ADAR: variants seen among roughly 807,000 people sequenced by gnomAD.
The protein encoded by ADAR is double-stranded RNA-specific adenosine deaminase.
ADAR carries 41 observed loss-of-function variants against 113.2 expected under a neutral mutation model. The observed-to-expected ratio is 0.36, with a 90% confidence interval of 0.28 to 0.47. The LOEUF is 0.47. Ranked by LOEUF, ADAR falls within the 20% of genes least tolerant of loss-of-function variation. ADAR has a pLI of 1.00. For missense variants in ADAR, 1,242 were observed against 1,540.9 expected (o/e 0.81, Z 3.25); for synonymous variants, 605 against 572.6 (o/e 1.06, Z -0.81).
intron 3 of ADAR, among the ~76,000 whole-genome samples, chr1:154,598,185 G>A (rs1697631120): frequency 6.6e-6 from 1 of 152,140 alleles, no homozygotes; most frequent in South Asian, 2.1e-4. Flanking sequence ...TTTCAAGTCC[G>A]AAATTCTGTA....
intron 1 of ADAR, among the ~76,000 whole-genome samples, chr1:154,614,918 C>A (rs1557902044): frequency 6.6e-6 from 1 of 152,152 alleles, no homozygotes; most frequent in Non-Finnish European, 1.5e-5. Flanking sequence ...AAAAGTGTTT[C>A]TTTTAGTGTT....
At chr1:154,586,390 A>G (rs904622197) in intron 11 of ADAR, 27 bp from the exon 12 acceptor site, 1 of 1,612,200 alleles carries the variant, frequency 6.2e-7, no homozygotes. Flanking sequence ...GGTCAGACCC[A>G]CAGGCGCCAA....
intron 6 of ADAR, among the ~76,000 whole-genome samples, chr1:154,595,800 T>TA (rs1332331182): frequency 2.0e-5 from 3 of 152,218 alleles, no homozygotes; most frequent in Non-Finnish European, 4.4e-5. Flanking sequence ...TAGGCCCTCA[T>TA]ATTCATTCTC....
Position 154,589,879 on chromosome 1 carries a change from T to C in ADAR, c.2546A>G (p.His849Arg). ...GTTAGTCAGAGTGTTGAAGCACCGG[T>C]GGCTCAGCATGGCTATCTGGTCATG... Reference protein sequence around the residue: ...TFHDQIAMLSHRCFNTLTNSF... With the variant: ...TFHDQIAMLSRRCFNTLTNSF... The change falls in exon 8 of 15, where the codon CAC (histidine) becomes CGC (arginine). Residue 849 changes from histidine (H) to arginine (R), a missense_variant. Coordinates refer to ENST00000368474, the MANE Select transcript of ADAR (RefSeq NM_001111.5). The C allele has an allele frequency of 6.2e-7, 1 of 1,614,074 alleles. No individual in the cohort carries two copies. Among genetic ancestry groups the C allele is most frequent in the Non-Finnish European group, 8.5e-7 (1 of 1,180,014 alleles).
At chr1:154,600,762 G>A (rs981543259) in intron 2 of ADAR, 6 of 494,580 alleles carry the variant, frequency 1.2e-5, no homozygotes, top group African/African-American at 3.9e-5. Flanking sequence ...ATGAGCCACC[G>A]CGTACGGCCA....
rs1440460913 is a variant in ADAR, at chr1:154,583,005, T to C, written c.*1801A>G. On this transcript the variant is annotated 3_prime_UTR_variant, in exon 15 of 15. Transcript: ENST00000368474. ...ACTTTGGTCAATTTTTGGTCAAAAG[T>C]ACAGAGAGCATAGAATAAAAGCAAA... 1.3e-5 allele frequency: 2 copies of C among 152,234 alleles called. No homozygotes were observed. The highest frequency in any genetic ancestry group is 1.3e-4 in the Admixed American group (2 of 15,286). 9.4% of individuals were successfully genotyped at this position (152,234 alleles called of 1,614,324 possible). A position where few individuals can be genotyped will look rare whatever the true frequency, so the allele number is the denominator to read the frequency against.
At chr1:154,610,535 G>A (rs1698449986), upstream of ADAR, among the ~76,000 whole-genome samples, 1 of 152,170 alleles carries the variant, frequency 6.6e-6, no homozygotes, top group Admixed American at 6.5e-5. Context: ...ATGAGGCCGG[G>A]CGCAGTGGCT....
intron 1 of ADAR, among the ~76,000 whole-genome samples, chr1:154,625,509 A>G (rs530793761): frequency 6.6e-6 from 1 of 152,366 alleles, no homozygotes; most frequent in Admixed American, 6.5e-5. Context: ...GAGGGATGAA[A>G]TAAGTTAGTA....
At chr1:154,608,491 G>A (rs1044765332), upstream of ADAR, among the ~76,000 whole-genome samples, 1 of 34,464 alleles carries the variant, frequency 2.9e-5, no homozygotes, top group Non-Finnish European at 7.2e-5. Context: ...ATCACTCCTG[G>A]CTTTTTTTTT....
chr1:154,601,733 G>T lies in ADAR; in HGVS notation c.909C>A (p.Ile303=), dbSNP rs1131691507. Residue 303 remains isoleucine (I), a synonymous_variant, in exon 2 of 15, where the codon ATC becomes ATA. Coordinates refer to ENST00000368474, the MANE Select transcript of ADAR (RefSeq NM_001111.5). This position sits in a 1 kb window ranked among gnomAD's most constrained non-coding sequence, Gnocchi z 4.7. ...FLDMAEIKEK[I]CDYLFNVSDS... Reference sequence around the variant, plus strand: ...CAGACACATTGAAGAGATAGTCGCAGATTTTCTCCTTGATCTCGGCCATGT... The same window carrying T: ...CAGACACATTGAAGAGATAGTCGCATATTTTCTCCTTGATCTCGGCCATGT... 1 of 1,614,218 alleles carries T rather than the reference G, an allele frequency of 6.2e-7. No individual in the cohort carries two copies. Among genetic ancestry groups the T allele is most frequent in the East Asian group, 2.2e-5 (1 of 44,886 alleles).
At chr1:154,599,224 T>C (rs1232855934) in intron 2 of ADAR, among the ~76,000 whole-genome samples, 1 of 152,262 alleles carries the variant, frequency 6.6e-6, no homozygotes, top group Non-Finnish European at 1.5e-5. Context: ...CCTCTGGACT[T>C]AGCCTAGGCC....
rs779762646 is a variant in ADAR, at chr1:154,588,720, A to G, written c.2763-47T>C. On this transcript the variant is annotated intron_variant, in intron 9 of 14. Coordinates refer to ENST00000368474, the MANE Select transcript of ADAR (RefSeq NM_001111.5). ...AGGAAGGCAGGTTCAATTCTGGGAA[A>G]AGCAGTTGTTTCTATAATCTGACCT... The G allele has an allele frequency of 3.1e-6, 5 of 1,613,318 alleles. No homozygotes were observed. The African/African-American group carries it at 5.3e-5, about 17-fold the overall frequency.
rs2101619681 is a variant in ADAR at position 154,596,920 on chromosome 1, G to A, written c.2155C>T (p.Leu719Phe). The A allele has an allele frequency of 6.2e-7, 1 of 1,614,170 alleles. No individual in the cohort carries two copies. The highest frequency in any genetic ancestry group is 2.2e-5 in the East Asian group (1 of 44,880). Residue 719 changes from leucine (L) to phenylalanine (F), a missense_variant, in exon 6 of 15, where the codon CTC becomes TTC. By Grantham distance (22) the Leu-to-Phe change is conservative (BLOSUM62 0). Around this residue, in one of 2 missense-constraint regions of ADAR, gnomAD observed 780 missense variants for 1,057.9 expected, o/e 0.74. Transcript: ENST00000368474. ...GGGTTGGTGTTCAGGTATCTCACGA[G>A]CTCGCCAATCTTCCTGACCTTGTTG... ...MPNKVRKIGE[L>F]VRYLNTNPVG...
At chr1:154,624,787 A>G (rs2101705589) in intron 1 of ADAR, among the ~76,000 whole-genome samples, 2 of 152,366 alleles carry the variant, frequency 1.3e-5, no homozygotes, top group South Asian at 4.1e-4. Flanking sequence ...CTCTATCTCA[A>G]GAGATTACTA....
At chr1:154,622,203 T>C (rs1698807957) in intron 1 of ADAR, among the ~76,000 whole-genome samples, 1 of 152,070 alleles carries the variant, frequency 6.6e-6, no homozygotes, top group South Asian at 2.1e-4. Flanking sequence ...CGTGGCTGCG[T>C]TTGGGTGAAG....
intron 1 of ADAR, among the ~76,000 whole-genome samples, chr1:154,613,521 G>A (rs1185713855): frequency 6.6e-6 from 1 of 151,896 alleles, no homozygotes; most frequent in Non-Finnish European, 1.5e-5. Flanking sequence ...CTGATCTCAG[G>A]TGATCCGCCT....
rs1324966254 is a variant in ADAR at position 154,584,539 on chromosome 1, A to G, written c.*267T>C. ...GACCGCAGGTGCTCAGTGACTATGT[A>G]TGCTTTGGGTAGAAAGAAAAGATAA... On this transcript the variant is annotated 3_prime_UTR_variant, in exon 15 of 15. Transcript: ENST00000368474. 2 of 468,832 alleles carry G rather than the reference A, an allele frequency of 4.3e-6. No individual in the cohort carries two copies. The highest frequency in any genetic ancestry group is 3.9e-5 in the African/African-American group (2 of 51,536). 29.0% of individuals were successfully genotyped at this position (468,832 alleles called of 1,614,324 possible). A position where few individuals can be genotyped will look rare whatever the true frequency, so the allele number is the denominator to read the frequency against.
At chr1:154,604,480 G>T (rs1255046211) in intron 1 of ADAR, among the ~76,000 whole-genome samples, 10 of 152,160 alleles carry the variant, frequency 6.6e-5, no homozygotes. Flanking sequence ...ACTGGAGAAG[G>T]ACCTTGACTT....
At chr1:154,626,569 C>T (rs2101708836) in intron 1 of ADAR, among the ~76,000 whole-genome samples, 1 of 152,306 alleles carries the variant, frequency 6.6e-6, no homozygotes, top group African/African-American at 2.4e-5. Flanking sequence ...AAAAGTTCCC[C>T]TGCTTCTCAA....
Sources: gnomAD v4.1 joint callset for allele counts (sites outside exome capture counted in the v4.1 genomes callset) on GRCh38, gnomAD v4.1.1 for gene constraint, gnomAD v4.1.1 regional missense constraint, Gnocchi (gnomAD v3.1) non-coding constraint, MANE v1.5 for transcripts, NCBI Gene and HGNC (gene_info 2026-07-23, HGNC 2026-07-21) for gene names.